Variants in ALKBH6 observed in about 807,000 individuals in gnomAD.
The protein encoded by ALKBH6 is probable RNA/DNA demethylase ALKBH6.
Under a neutral mutation model 25.1 loss-of-function variants are expected in ALKBH6, and 20 were observed. The ratio of observed to expected loss-of-function variants is 0.80; its 90% CI spans 0.56 to 1.16. ALKBH6 has a LOEUF of 1.16. Ranked by LOEUF, ALKBH6 falls within the 50% of genes most tolerant of loss-of-function variation. The probability of loss-of-function intolerance (pLI) is 0.00; values close to 1 mark genes in which losing one functional copy is unlikely to be tolerated. For missense variants in ALKBH6, 263 were observed against 326.5 expected (o/e 0.81, Z 1.50); for synonymous variants, 156 against 147.5 (o/e 1.06, Z -0.42).
rs1419018070 is a variant in ALKBH6, at chr19:36,009,387, G to T, written c.620C>A (p.Ala207Glu). The T allele has an allele frequency of 1.5e-5, 19 of 1,257,684 alleles. No individual in the cohort carries two copies. The highest frequency in any genetic ancestry group is 1.9e-5 in the Non-Finnish European group (19 of 1,002,784). 77.9% of individuals were successfully genotyped at this position (1,257,684 alleles called of 1,614,324 possible). ...SPPNAAACPS[A>E]RPGACLVRGT... ...GCGCACCAGGCAGGCTCCCGGCCGC[G>T]CCGACGGGCAGGCTGCCGCATTGGG... The change falls in exon 7 of 7, where the codon GCG becomes GAG. Residue 207 changes from alanine to glutamate, a missense_variant. Ala to Glu is a moderately radical substitution (Grantham distance 107, BLOSUM62 -1). This residue lies in a region of ALKBH6 where 148 missense variants were observed against 157.5 expected (regional missense o/e 0.94). Transcript: ENST00000378875.
rs1177869166 is a variant in ALKBH6 at position 36,010,385 on chromosome 19, G to A, written c.453+182C>T. 4 of 653,834 alleles carry A rather than the reference G, an allele frequency of 6.1e-6. No individual in the cohort carries two copies. The highest frequency in any genetic ancestry group is 1.1e-5 in the Non-Finnish European group (4 of 364,622). The allele number at this position is 653,834 out of a possible 1,614,324, so 40.5% of individuals were successfully genotyped here. A position where few individuals can be genotyped will look rare whatever the true frequency, so the allele number is the denominator to read the frequency against. Reference sequence around the variant, plus strand: ...TGTGAAAATCATGGCATGTGGGACAGACACCCTGTAAGCAGATGGGTTGGG... The same window carrying A: ...TGTGAAAATCATGGCATGTGGGACAAACACCCTGTAAGCAGATGGGTTGGG... On this transcript the variant is annotated intron_variant, in intron 6 of 6. Transcript: ENST00000378875. This position sits in a 1 kb window ranked among gnomAD's most constrained non-coding sequence, Gnocchi z 5.5.
In ALKBH6 at chr19:36,009,304, G is replaced by T; in HGVS notation, c.703C>A (p.Leu235Met). 1 of 1,360,534 alleles carries T rather than the reference G, an allele frequency of 7.4e-7. No individual in the cohort carries two copies. Among genetic ancestry groups the T allele is most frequent in the South Asian group, 1.7e-5 (1 of 58,546 alleles). The allele number at this position is 1,360,534 out of a possible 1,614,324, so 84.3% of individuals were successfully genotyped here. A position where few individuals can be genotyped will look rare whatever the true frequency, so the allele number is the denominator to read the frequency against. The change falls in exon 7 of 7, where the codon CTG becomes ATG. Residue 235 changes from leucine (L) to methionine (M), a missense_variant. Physicochemically the swap from Leu to Met is conservative, Grantham distance 15. This residue lies in a region of ALKBH6 where 148 missense variants were observed against 157.5 expected (regional missense o/e 0.94). Transcript: ENST00000378875. Reference sequence around the variant, plus strand: ...GGCCCTGGCGGTCACTTGCCCAGCAGGAGGCCGGCGCGCAGCACGCGGGGC... The same window carrying T: ...GGCCCTGGCGGTCACTTGCCCAGCATGAGGCCGGCGCGCAGCACGCGGGGC... ...RVPRVLRAGL[L>M]LGK
intron 3 of ALKBH6, chr19:36,012,497 CTG>C (rs915041842): frequency 3.2e-5 from 5 of 154,490 alleles, no homozygotes; most frequent in African/African-American, 1.2e-4. Context: ...GCAAAAAAGT[CTG>C]TGTTCTGTAG....
In ALKBH6 at chr19:36,013,592, C is replaced by T. The variant is rs1036200033; in HGVS notation, c.-25-170G>A. 2.8e-6 allele frequency: 4 copies of T among 1,426,950 alleles called. No individual in the cohort carries two copies. In the South Asian group the frequency reaches 5.9e-5, roughly 21 times the overall value. The allele number at this position is 1,426,950 out of a possible 1,614,324, so 88.4% of individuals were successfully genotyped here. The stretch of plus-strand genomic sequence containing the variant: ...TTACAAGCCACACAGAGAGCCCCTA[C>T]GTTCCATGCCCGGACACAATGAGCC... On this transcript the variant is annotated intron_variant, in intron 1 of 6. Coordinates refer to ENST00000378875, the MANE Select transcript of ALKBH6 (RefSeq NM_032878.5). This position sits in a 1 kb window ranked among gnomAD's most constrained non-coding sequence, Gnocchi z 4.6.
Position 36,013,929 on chromosome 19 carries a change from C to T in ALKBH6, c.-26+246G>A, listed in dbSNP as rs1331559924. ...TGTCCACCCTCAGCCTCCTCGGATCCCCCCATTTGGACGCCCCTCGGATTT... is the reference window on the plus strand; with the variant it reads ...TGTCCACCCTCAGCCTCCTCGGATCTCCCCATTTGGACGCCCCTCGGATTT... On this transcript the variant is annotated intron_variant, in intron 1 of 6. Coordinates refer to ENST00000378875, the MANE Select transcript of ALKBH6 (RefSeq NM_032878.5). The surrounding 1 kb of genome is among the most constrained non-coding windows in gnomAD (Gnocchi z 4.6). 3 of 1,372,236 alleles carry T rather than the reference C, an allele frequency of 2.2e-6. No homozygotes were observed. The highest frequency in any genetic ancestry group is 2.8e-6 in the Non-Finnish European group (3 of 1,069,704). 85.0% of individuals were successfully genotyped at this position (1,372,236 alleles called of 1,614,324 possible).
rs1258068404 is a variant in ALKBH6, at chr19:36,010,957, G to T, written c.273C>A (p.Leu91=). 6.2e-7 allele frequency: 1 copy of T among 1,613,970 alleles called. No individual in the cohort carries two copies. The highest frequency in any genetic ancestry group is 1.3e-5 in the African/African-American group (1 of 74,908). ...CATGGTTAGCTGGGAGGCCTCCAAAGAGGCTGAGGTTTGACACTTTGTCCA... is the reference window on the plus strand; with the variant it reads ...CATGGTTAGCTGGGAGGCCTCCAAATAGGCTGAGGTTTGACACTTTGTCCA... ...RYVDKVSNLS[L]FGGLPANHVL... The change falls in exon 5 of 7, where the codon CTC becomes CTA. Residue 91 remains leucine, a synonymous_variant. Transcript: ENST00000378875. The surrounding 1 kb of genome is among the most constrained non-coding windows in gnomAD (Gnocchi z 5.5).
Position 36,013,634 on chromosome 19 carries a change from A to G in ALKBH6, c.-25-212T>C, listed in dbSNP as rs1968685812. The G allele has an allele frequency of 1.4e-6, 2 of 1,392,414 alleles. No homozygotes were observed. Among genetic ancestry groups the G allele is most frequent in the African/African-American group, 1.5e-5 (1 of 68,534 alleles). The allele number at this position is 1,392,414 out of a possible 1,614,324, so 86.3% of individuals were successfully genotyped here. On this transcript the variant is annotated intron_variant, in intron 1 of 6. Transcript: ENST00000378875. The surrounding 1 kb of genome is among the most constrained non-coding windows in gnomAD (Gnocchi z 4.6). ...CAATGAGCCCCAAGAATAATCCCCC[A>G]TTACTCTGTCCACTAAGGGCCCATC...
rs533441803 is a variant in ALKBH6 at position 36,013,713 on chromosome 19, C to T, written c.-25-291G>A. The T allele has an allele frequency of 3.1e-6, 4 of 1,273,714 alleles. No individual in the cohort carries two copies. Among genetic ancestry groups the T allele is most frequent in the East Asian group, 7.5e-5 (2 of 26,722 alleles). The allele number at this position is 1,273,714 out of a possible 1,614,324, so 78.9% of individuals were successfully genotyped here. A position where few individuals can be genotyped will look rare whatever the true frequency, so the allele number is the denominator to read the frequency against. ...CCACAGAGAACATTCTCTGGCCCCA[C>T]ACACAGGGAGCCTTTCTCAAAAGCT... On this transcript the variant is annotated intron_variant, in intron 1 of 6. Coordinates refer to ENST00000378875, the MANE Select transcript of ALKBH6 (RefSeq NM_032878.5). The surrounding 1 kb of genome is among the most constrained non-coding windows in gnomAD (Gnocchi z 4.6).
At chr19:36,012,939 TG>T (rs1311771854) in intron 3 of ALKBH6, 81 bp downstream of exon 3, 2 of 1,391,130 alleles carry the variant, frequency 1.4e-6, no homozygotes, top group Non-Finnish European at 2.0e-6. Context: ...ACTGCAGCCT[TG>T]GGGGCTCTCA....
rs902741067 is a variant in ALKBH6 at position 36,009,497 on chromosome 19, C to T, written c.510G>A (p.Leu170=). ...GCGTGTAGGCGGGGCCGCGGAGCAC[C>T]AGCAGGCTGCGCGGTTCCAGCAGTA... ...TSLLLEPRSL[L]VLRGPAYTRL... is the part of the protein sequence containing the mutation. The change falls in exon 7 of 7, where the codon CTG becomes CTA. Residue 170 remains leucine (L), a synonymous_variant. Transcript: ENST00000378875. The T allele has an allele frequency of 1.8e-5, 22 of 1,251,366 alleles. No individual in the cohort carries two copies. Among genetic ancestry groups the T allele is most frequent in the Non-Finnish European group, 2.2e-5 (22 of 999,848 alleles). 77.5% of individuals were successfully genotyped at this position (1,251,366 alleles called of 1,614,324 possible).
rs1968511899 is a variant in ALKBH6 at position 36,009,357 on chromosome 19, G to C, written c.650C>G (p.Thr217Ser). 7.7e-7 allele frequency: 1 copy of C among 1,302,766 alleles called. No individual in the cohort carries two copies. The highest frequency in any genetic ancestry group is 3.8e-5 in the Admixed American group (1 of 25,996). The allele number at this position is 1,302,766 out of a possible 1,614,324, so 80.7% of individuals were successfully genotyped here. A position where few individuals can be genotyped will look rare whatever the true frequency, so the allele number is the denominator to read the frequency against. ...ARPGACLVRG[T>S]RVSLTIRRVP... ...GCGGCGGATGGTCAGCGAGACCCGG[G>C]TGCCGCGCACCAGGCAGGCTCCCGG... Residue 217 changes from threonine (T) to serine (S), a missense_variant, in exon 7 of 7, where the codon ACC becomes AGC. Around this residue, in one of 3 missense-constraint regions of ALKBH6, gnomAD observed 148 missense variants for 157.5 expected, o/e 0.94. Coordinates refer to ENST00000378875, the MANE Select transcript of ALKBH6 (RefSeq NM_032878.5).
Position 36,010,984 on chromosome 19 carries a change from G to A in ALKBH6, c.246C>T (p.Tyr82=), listed in dbSNP as rs1251743586. The change falls in exon 5 of 7, where the codon TAC becomes TAT. Residue 82 remains tyrosine, a synonymous_variant. Coordinates refer to ENST00000378875, the MANE Select transcript of ALKBH6 (RefSeq NM_032878.5). The surrounding 1 kb of genome is among the most constrained non-coding windows in gnomAD (Gnocchi z 5.5). ...GGCTGAGGTTTGACACTTTGTCCACGTAGCGCTGGAGCCATGGGGGCAGCC... is the reference window on the plus strand; with the variant it reads ...GGCTGAGGTTTGACACTTTGTCCACATAGCGCTGGAGCCATGGGGGCAGCC... The part of the protein sequence containing the change: ...PERLPPWLQR[Y]VDKVSNLSLF... The A allele has an allele frequency of 5.0e-6, 8 of 1,613,762 alleles. No individual in the cohort carries two copies. The highest frequency in any genetic ancestry group is 4.0e-5 in the African/African-American group (3 of 74,882).
Position 36,010,489 on chromosome 19 carries a change from A to G in ALKBH6, c.453+78T>C. On this transcript the variant is annotated intron_variant, in intron 6 of 6. Coordinates refer to ENST00000378875, the MANE Select transcript of ALKBH6 (RefSeq NM_032878.5). The surrounding 1 kb of genome is among the most constrained non-coding windows in gnomAD (Gnocchi z 5.5). ...AGAGTGCCAGGAGTACCCCGAAGGC[A>G]TGTGGGACCAGGTCATCTTGGAGGA... The G allele has an allele frequency of 3.1e-6, 4 of 1,280,218 alleles. No individual in the cohort carries two copies. The highest frequency in any genetic ancestry group is 4.5e-6 in the Non-Finnish European group (4 of 891,108). 79.3% of individuals were successfully genotyped at this position (1,280,218 alleles called of 1,614,324 possible).
At chr19:36,011,641 C>G (rs546971152) in intron 3 of ALKBH6, 177 bp from the exon 4 acceptor site, 1 of 629,356 alleles carries the variant, frequency 1.6e-6, no homozygotes, top group East Asian at 2.9e-5. Flanking sequence ...TTCCTGGGAA[C>G]GCCTTTGGCC....
rs1375468335 is a variant in ALKBH6, at chr19:36,010,027, G to C, written c.454-474C>G. ...TTAGAGGACAACCGCACAGCTGAGGGAGTGTCAGAGCATCCAGGAGCATGC... is the reference window on the plus strand; with the variant it reads ...TTAGAGGACAACCGCACAGCTGAGGCAGTGTCAGAGCATCCAGGAGCATGC... On this transcript the variant is annotated intron_variant, in intron 6 of 6. Coordinates refer to ENST00000378875, the MANE Select transcript of ALKBH6 (RefSeq NM_032878.5). This position sits in a 1 kb window ranked among gnomAD's most constrained non-coding sequence, Gnocchi z 5.5. Among the ~76,000 whole-genome samples, 1 of 152,212 alleles carries C rather than the reference G, an allele frequency of 6.6e-6. No individual in the cohort carries two copies. Among genetic ancestry groups the C allele is most frequent in the Non-Finnish European group, 1.5e-5 (1 of 68,024 alleles).
rs1407804001 is a variant in ALKBH6 at position 36,013,941 on chromosome 19, C to A, written c.-26+234G>T. 7.3e-7 allele frequency: 1 copy of A among 1,370,580 alleles called. No individual in the cohort carries two copies. Among genetic ancestry groups the A allele is most frequent in the Non-Finnish European group, 9.4e-7 (1 of 1,068,694 alleles). 84.9% of individuals were successfully genotyped at this position (1,370,580 alleles called of 1,614,324 possible). On this transcript the variant is annotated intron_variant, in intron 1 of 6. Coordinates refer to ENST00000378875, the MANE Select transcript of ALKBH6 (RefSeq NM_032878.5). The surrounding 1 kb of genome is among the most constrained non-coding windows in gnomAD (Gnocchi z 4.6). ...GCCTCCTCGGATCCCCCCATTTGGA[C>A]GCCCCTCGGATTTCCCCTCCTGAGC...
chr19:36,011,732 A>C, intron 3 of ALKBH6: 1 of 389,162 alleles, frequency 2.6e-6, no homozygotes, highest in South Asian at 3.7e-5. Context: ...CTCACAATCT[A>C]CTCAGAGTTC....
intron 6 of ALKBH6, 39 bp from the exon 7 acceptor site, chr19:36,009,592 CGGGGGGT>C: frequency 9.3e-6 from 1 of 107,896 alleles, no homozygotes; most frequent in Non-Finnish European, 1.3e-5. Context: ...CTCAAGAAGT[CGGGGGGT>C]GGGGGTGGGC....
intron 3 of ALKBH6, 40 bp downstream of exon 3, chr19:36,012,981 G>A (rs1292416799): frequency 5.1e-6 from 8 of 1,570,970 alleles, no homozygotes; most frequent in Non-Finnish European, 7.0e-6. Context: ...GAGGAATATG[G>A]GAAGAGTGGG....
Sources: gnomAD v4.1 joint callset for allele counts (sites outside exome capture counted in the v4.1 genomes callset) on GRCh38, gnomAD v4.1.1 for gene constraint, gnomAD v4.1.1 regional missense constraint, Gnocchi (gnomAD v3.1) non-coding constraint, MANE v1.5 for transcripts, NCBI Gene and HGNC (gene_info 2026-07-23, HGNC 2026-07-21) for gene names.